The following DMRT1 variants were observed in gnomAD, a reference collection of about 807,000 sequenced individuals.
The protein encoded by DMRT1 is doublesex and mab-3 related transcription factor 1.
Under a neutral mutation model 32.3 loss-of-function variants are expected in DMRT1, and 7 were observed. The observed-to-expected ratio is 0.22, with a 90% CI of 0.12 to 0.41. The LOEUF is 0.41. Ranked by LOEUF, DMRT1 falls within the 10% of genes least tolerant of loss-of-function variation. DMRT1 has a pLI of 1.00. For missense variants in DMRT1, 625 were observed against 500.5 expected (o/e 1.25, Z -2.37); for synonymous variants, 278 against 206.1 (o/e 1.35, Z -2.99).
At chr9:951,522 C>G (rs1819426636) in intron 4 of DMRT1, among the ~76,000 whole-genome samples, 1 of 152,204 alleles carries the variant, frequency 6.6e-6, no homozygotes, top group South Asian at 2.1e-4. Context: ...TGCCCTGCCC[C>G]TAAAGATGAC....
At chr9:902,452 C>G (rs1433902700) in intron 3 of DMRT1, among the ~76,000 whole-genome samples, 1 of 150,930 alleles carries the variant, frequency 6.6e-6, no homozygotes, top group African/African-American at 2.4e-5. Flanking sequence ...TACATTTGTG[C>G]TTACCTCTTG....
chr9:932,268 C>A, intron 4 of DMRT1, among the ~76,000 whole-genome samples: 1 of 152,170 alleles, frequency 6.6e-6, no homozygotes, highest in East Asian at 1.9e-4. Context: ...AACAGTTTAA[C>A]TCTGATGTAC....
intron 2 of DMRT1, among the ~76,000 whole-genome samples, chr9:864,505 T>A (rs1366583190): frequency 1.4e-5 from 2 of 145,462 alleles, no homozygotes; most frequent in African/African-American, 5.1e-5. Flanking sequence ...TACTCTTTTT[T>A]TTTTTTTTTT....
At chr9:850,984 G>C (rs1839121149) in intron 2 of DMRT1, among the ~76,000 whole-genome samples, 2 of 144,440 alleles carry the variant, frequency 1.4e-5, no homozygotes, top group Non-Finnish European at 1.5e-5. Context: ...AGCTGAGATT[G>C]TGCCATTGCA....
intron 3 of DMRT1, chr9:894,791 GT>G (rs1231759673): frequency 1.3e-3 from 194 of 148,132 alleles, no homozygotes; most frequent in South Asian, 2.7e-3. Context: ...CTCCAAGTTT[GT>G]TTTTTTTTTT....
At chr9:862,354 A>G (rs1006162192) in intron 2 of DMRT1, among the ~76,000 whole-genome samples, 2 of 152,196 alleles carry the variant, frequency 1.3e-5, no homozygotes, top group South Asian at 2.1e-4. Flanking sequence ...TAGGAAAACC[A>G]GTCAGGTGTG....
chr9:865,142 T>A (rs1176829961), intron 2 of DMRT1, among the ~76,000 whole-genome samples: 1 of 152,156 alleles, frequency 6.6e-6, no homozygotes, highest in Non-Finnish European at 1.5e-5. Flanking sequence ...CGTTTCCAGG[T>A]TTTCCCTGAG....
Position 848,524 on chromosome 9 carries a change from T to C in DMRT1, c.538+1381T>C, listed in dbSNP as rs550710451. Among the ~76,000 whole-genome samples, 19 of 151,258 alleles carry C rather than the reference T, an allele frequency of 1.3e-4. No homozygotes were observed. In the South Asian group the frequency reaches 3.1e-3, roughly 25 times the overall value. The stretch of plus-strand genomic sequence containing the variant: ...ATTGGCTGCTCATAGTATGTCCTTA[T>C]AATAGTTTCCAAACTTTTGTTTCCT... On this transcript the variant is annotated intron_variant, in intron 2 of 4. Transcript: ENST00000382276.
chr9:962,513 A>C (rs962931522), intron 4 of DMRT1, among the ~76,000 whole-genome samples: 1 of 126,672 alleles, frequency 7.9e-6, no homozygotes, highest in Non-Finnish European at 1.6e-5. Context: ...TTGGGGACCC[A>C]CCAGCTTTCT....
chr9:897,649 G>A (rs1817423350), intron 3 of DMRT1, among the ~76,000 whole-genome samples: 1 of 151,232 alleles, frequency 6.6e-6, no homozygotes, highest in Non-Finnish European at 1.5e-5. Flanking sequence ...TCCCTATTAT[G>A]TCGTTGTTGG....
chr9:854,213 C>T (rs1269810544), intron 2 of DMRT1, among the ~76,000 whole-genome samples: 1 of 151,962 alleles, frequency 6.6e-6, no homozygotes, highest in East Asian at 1.9e-4. Context: ...AACTCCTGGA[C>T]TCAAGTAATC....
intron 4 of DMRT1, among the ~76,000 whole-genome samples, chr9:959,407 C>T (rs1360539221): frequency 6.6e-6 from 1 of 152,220 alleles, no homozygotes; most frequent in African/African-American, 2.4e-5. Flanking sequence ...TGCTGCTTTT[C>T]CCTTTGCCTC....
intron 3 of DMRT1, 35 bp downstream of exon 3, chr9:894,230 G>T (rs1817265077): frequency 1.2e-6 from 2 of 1,608,830 alleles, no homozygotes; most frequent in Non-Finnish European, 8.5e-7. Context: ...TGAACTGGTT[G>T]TGTGAAAGCC....
In DMRT1 at chr9:841,945, G is replaced by T; in HGVS notation, c.107G>T (p.Gly36Val). ...GRAGGFGKASGALVGAASGSS... is the reference protein window; with the variant it reads ...GRAGGFGKASVALVGAASGSS... ...GCCGGGGGCTTTGGCAAAGCGTCTG[G>T]GGCGCTAGTGGGGGCGGCCAGCGGC... The change falls in exon 1 of 5, where the codon GGG (glycine) becomes GTG (valine). Residue 36 changes from glycine (G) to valine (V), a missense_variant. Transcript: ENST00000382276. 1 of 1,600,438 alleles carries T rather than the reference G, an allele frequency of 6.2e-7. No homozygotes were observed. The highest frequency in any genetic ancestry group is 1.3e-5 in the African/African-American group (1 of 74,668).
intron 4 of DMRT1, among the ~76,000 whole-genome samples, chr9:942,972 A>G (rs1171948664): frequency 2.6e-5 from 4 of 151,994 alleles, no homozygotes; most frequent in Non-Finnish European, 5.9e-5. Context: ...CTGACTTTAA[A>G]CCTCTGCACA....
intron 4 of DMRT1, among the ~76,000 whole-genome samples, chr9:935,004 A>G (rs577636172): frequency 2.4e-4 from 37 of 152,314 alleles, no homozygotes; most frequent in African/African-American, 8.4e-4. Context: ...ACAGTTCTGA[A>G]ATAAAGGCAT....
At chr9:887,139 C>T (rs780744573) in intron 2 of DMRT1, among the ~76,000 whole-genome samples, 2 of 152,096 alleles carry the variant, frequency 1.3e-5, no homozygotes, top group African/African-American at 4.8e-5. Flanking sequence ...TGCAGTGAGC[C>T]GAGATCAGGA....
chr9:914,350 A>G (rs1208655754), intron 3 of DMRT1, among the ~76,000 whole-genome samples: 7 of 152,018 alleles, frequency 4.6e-5, no homozygotes, highest in African/African-American at 1.7e-4. Flanking sequence ...CGAGGCGGGC[A>G]GATCACGAGG....
chr9:966,904 C>T (rs923808281), intron 4 of DMRT1, among the ~76,000 whole-genome samples: 1 of 152,204 alleles, frequency 6.6e-6, no homozygotes, highest in Non-Finnish European at 1.5e-5. Flanking sequence ...CTAATTACAT[C>T]ATAGATTTCC....
Sources: gnomAD v4.1 joint callset for allele counts (sites outside exome capture counted in the v4.1 genomes callset) on GRCh38, gnomAD v4.1.1 for gene constraint, MANE v1.5 for transcripts, NCBI Gene and HGNC (gene_info 2026-07-23, HGNC 2026-07-21) for gene names.